The following KLF3 variants were observed in gnomAD, a reference collection of about 807,000 sequenced individuals.
KLF3 encodes Krueppel-like factor 3.
In KLF3, 6 loss-of-function variants were observed where a neutral mutation model predicts 32.7. The ratio of observed to expected loss-of-function variants is 0.18; its 90% CI spans 0.10 to 0.36. KLF3 has a LOEUF of 0.36. Among genes scored for constraint, KLF3 ranks in the 10% least tolerant of loss-of-function variants. KLF3 has a pLI of 1.00. For missense variants in KLF3, 338 were observed against 449.7 expected (o/e 0.75, Z 2.25); for synonymous variants, 145 against 172.8 (o/e 0.84, Z 1.26).
chr4:38,685,798 T>C (rs1337817540), intron 2 of KLF3, among the ~76,000 whole-genome samples: 1 of 152,214 alleles, frequency 6.6e-6, no homozygotes, highest in Non-Finnish European at 1.5e-5. Flanking sequence ...TGGAGAATTA[T>C]ATAAAGCACA....
Position 38,699,240 on chromosome 4 carries a change from TTTTG to T in KLF3, c.*1981_*1984del, listed in dbSNP as rs1723136500. On this transcript the variant is annotated 3_prime_UTR_variant, in exon 6 of 6. Transcript: ENST00000261438. ...CTAATTGGGCTGTTTTTTTGTTTTG[TTTTG>T]TTTTTCAGCTAAAGGCAAAGATAAT... 6.6e-6 allele frequency: 1 copy of T among 152,204 alleles called. No homozygotes were observed. Among genetic ancestry groups the T allele is most frequent in the Non-Finnish European group, 1.5e-5 (1 of 68,028 alleles). 9.4% of individuals were successfully genotyped at this position (152,204 alleles called of 1,614,324 possible). A position where few individuals can be genotyped will look rare whatever the true frequency, so the allele number is the denominator to read the frequency against.
rs777388622 is a variant in KLF3, at chr4:38,697,031, TTAC to T, written c.857-47_857-45del. 21 of 1,461,430 alleles carry T rather than the reference TTAC, an allele frequency of 1.4e-5. No homozygotes were observed. The African/African-American group carries it at 2.6e-4, about 18-fold the overall frequency. 90.5% of individuals were successfully genotyped at this position (1,461,430 alleles called of 1,614,324 possible). A position where few individuals can be genotyped will look rare whatever the true frequency, so the allele number is the denominator to read the frequency against. ...TTGTCAAGCATTAACTCAAAGATCT[TTAC>T]TACCTTTACAGAAAAAAAAAATAGC... is the stretch of plus-strand genomic sequence containing the variant. On this transcript the variant is annotated intron_variant, in intron 5 of 5. Transcript: ENST00000261438.
chr4:38,687,648 G>A (rs1722742244), intron 2 of KLF3, among the ~76,000 whole-genome samples: 1 of 152,142 alleles, frequency 6.6e-6, no homozygotes, highest in South Asian at 2.1e-4. Context: ...GAGAACACAG[G>A]GCCTCAGCTT....
chr4:38,682,904 A>C (rs185654613), intron 2 of KLF3, among the ~76,000 whole-genome samples: 10 of 151,442 alleles, frequency 6.6e-5, no homozygotes, highest in Admixed American at 6.6e-4. Context: ...CTTTAAAATG[A>C]AGGTGTTTTT....
Position 38,674,236 on chromosome 4 carries a change from ATC to A in KLF3, c.-39-6349_-39-6348del, listed in dbSNP as rs1337581113. Among the ~76,000 whole-genome samples the A allele has an allele frequency of 2.0e-5, 3 of 152,162 alleles. No homozygotes were observed. The highest frequency in any genetic ancestry group is 2.0e-4 in the Admixed American group (3 of 15,278). ...CTCCAGCTTAAAAATGCCTGCTGAC[ATC>A]TGTTGCCTGTCCCCTGTATTTCTGG... On this transcript the variant is annotated intron_variant, in intron 1 of 5. Coordinates refer to ENST00000261438, the MANE Select transcript of KLF3 (RefSeq NM_016531.6). This position sits in a 1 kb window ranked among gnomAD's most constrained non-coding sequence, Gnocchi z 4.1.
In KLF3 at chr4:38,674,856, C is replaced by CT. The variant is rs1337360359; in HGVS notation, c.-39-5730dup. 2.0e-5 allele frequency among the ~76,000 whole-genome samples: 3 copies of CT among 152,176 alleles called. No individual in the cohort carries two copies. Among genetic ancestry groups the CT allele is most frequent in the Non-Finnish European group, 4.4e-5 (3 of 68,032 alleles). On this transcript the variant is annotated intron_variant, in intron 1 of 5. Transcript: ENST00000261438. The surrounding 1 kb of genome is among the most constrained non-coding windows in gnomAD (Gnocchi z 4.1). The stretch of plus-strand genomic sequence containing the variant: ...CCCTCAGGAAGGGGCAGGCAGTTGT[C>CT]TGTAAGGTCGTTTCTGTAATAAATC...
rs761224497 is a variant in KLF3, at chr4:38,689,830, T to C, written c.646T>C (p.Ser216Pro). 4 of 1,607,136 alleles carry C rather than the reference T, an allele frequency of 2.5e-6. No individual in the cohort carries two copies. The highest frequency in any genetic ancestry group is 1.3e-5 in the African/African-American group (1 of 74,606). The stretch of plus-strand genomic sequence containing the variant: ...GACAGATTATTATCCTGAAGAAATG[T>C]CACCCCCCTTAATGAACTCAGTGTC... ...QRTDYYPEEM[S>P]PPLMNSVSPP... Residue 216 changes from serine (S) to proline (P), a missense_variant, in exon 4 of 6, where the codon TCA (serine) becomes CCA (proline). Transcript: ENST00000261438.
chr4:38,688,665 C>G lies in KLF3; in HGVS notation c.138C>G (p.Phe46Leu). ...ACTCCACACCATTGCCTGAGAAGTT[C>G]TTTCAGACCCCAGAAGGTCTGTCGC... is the stretch of plus-strand genomic sequence containing the variant. Reference protein sequence around the residue: ...VIYSTPLPEKFFQTPEGLSHG... With the variant: ...VIYSTPLPEKLFQTPEGLSHG... Residue 46 changes from phenylalanine (F) to leucine (L), a missense_variant, in exon 3 of 6, where the codon TTC becomes TTG. Around this residue, in one of 2 missense-constraint regions of KLF3, gnomAD observed 272 missense variants for 313.4 expected, o/e 0.87. Coordinates refer to ENST00000261438, the MANE Select transcript of KLF3 (RefSeq NM_016531.6). The surrounding 1 kb of genome is among the most constrained non-coding windows in gnomAD (Gnocchi z 4.9). 1 of 1,614,200 alleles carries G rather than the reference C, an allele frequency of 6.2e-7. No individual in the cohort carries two copies. The highest frequency in any genetic ancestry group is 8.5e-7 in the Non-Finnish European group (1 of 1,180,034).
At chr4:38,693,350 T>A (rs3796537) in intron 4 of KLF3, among the ~76,000 whole-genome samples, 76,522 of 147,422 alleles carry the variant, frequency 0.52, 20,313 homozygotes, top group African/African-American at 0.64. Context: ...ATGTTTTTTT[T>A]AAAAAAAAAA....
chr4:38,669,893 CAAAAAAAAA>C (rs60339860), intron 1 of KLF3, among the ~76,000 whole-genome samples: 74 of 41,174 alleles, frequency 1.8e-3, no homozygotes, highest in Middle Eastern at 0.091. Flanking sequence ...GACTCTGTCT[CAAAAAAAAA>C]AAAAAAAAAA....
chr4:38,692,542 T>C (rs548136225), intron 4 of KLF3, among the ~76,000 whole-genome samples: 4 of 152,214 alleles, frequency 2.6e-5, no homozygotes, highest in East Asian at 1.9e-4. Flanking sequence ...TTCCGAGATA[T>C]AACCTTCTGA....
Position 38,696,186 on chromosome 4 carries a change from GAAAAAAA to G in KLF3, c.857-880_857-874del, listed in dbSNP as rs57996051. Among the ~76,000 whole-genome samples, 10 of 99,258 alleles carry G rather than the reference GAAAAAAA, an allele frequency of 1.0e-4. No homozygotes were observed. In the East Asian group the frequency reaches 1.9e-3, roughly 19 times the overall value. 65.1% of individuals were successfully genotyped at this position (99,258 alleles called of 152,430 possible). A position where few individuals can be genotyped will look rare whatever the true frequency, so the allele number is the denominator to read the frequency against. Reference sequence around the variant, plus strand: ...TATTTGGGTGACAGTTTAGATGTAGGAAAAAAAAAAAAAAAAAAAAAACGCCTCTTTG... The same window carrying G: ...TATTTGGGTGACAGTTTAGATGTAGGAAAAAAAAAAAAAAACGCCTCTTTG... On this transcript the variant is annotated intron_variant, in intron 5 of 5. Transcript: ENST00000261438.
intron 1 of KLF3, among the ~76,000 whole-genome samples, chr4:38,666,245 T>C (rs1170766171): frequency 1.3e-5 from 2 of 152,248 alleles, no homozygotes; most frequent in Non-Finnish European, 2.9e-5. Context: ...AGTAACTGCT[T>C]AGACCACAAA....
chr4:38,682,717 G>A (rs759120161), intron 2 of KLF3, among the ~76,000 whole-genome samples: 14 of 152,008 alleles, frequency 9.2e-5, no homozygotes, highest in Non-Finnish European at 1.6e-4. Context: ...AAAAAAATGT[G>A]GAATAAAATG....
Position 38,697,204 on chromosome 4 carries a change from C to G in KLF3, c.979C>G (p.Arg327Gly). The change falls in exon 6 of 6, where the codon CGC becomes GGC. Residue 327 changes from arginine to glycine, a missense_variant. Arg to Gly is a moderately radical substitution (Grantham distance 125). Transcript: ENST00000261438. ...ACCTTTCCAGTGCCCGGACTGTGAC[C>G]GCAGCTTCTCCCGTTCTGACCATCT... is the stretch of plus-strand genomic sequence containing the variant. The part of the protein sequence containing the change: ...IKPFQCPDCD[R>G]SFSRSDHLAL... 6.2e-7 allele frequency: 1 copy of G among 1,614,056 alleles called. No homozygotes were observed. The highest frequency in any genetic ancestry group is 8.5e-7 in the Non-Finnish European group (1 of 1,179,976).
intron 5 of KLF3, among the ~76,000 whole-genome samples, chr4:38,696,096 G>A (rs4599423): frequency 1.1e-4 from 17 of 149,784 alleles, no homozygotes; most frequent in African/African-American, 4.2e-4. Flanking sequence ...GCATCCTTGA[G>A]GCATTAGTGG....
chr4:38,679,384 A>G (rs1204128409), intron 1 of KLF3, among the ~76,000 whole-genome samples: 2 of 152,248 alleles, frequency 1.3e-5, no homozygotes, highest in Non-Finnish European at 2.9e-5. Context: ...TTTATCTTTT[A>G]TAACACAAGT....
chr4:38,697,066 C>G lies in KLF3; in HGVS notation c.857-16C>G. ...TACAGAAAAAAAAAATAGCTCTTTT[C>G]TTTTTCCTTTTGCAGGAGAAAAACC... On this transcript the variant is annotated splice_polypyrimidine_tract_variant and intron_variant, in intron 5 of 5. Transcript: ENST00000261438. The G allele has an allele frequency of 1.3e-6, 2 of 1,555,474 alleles. No individual in the cohort carries two copies. Among genetic ancestry groups the G allele is most frequent in the East Asian group, 4.5e-5 (2 of 44,040 alleles).
chr4:38,690,223 A>G, intron 4 of KLF3: 1 of 224,188 alleles, frequency 4.5e-6, no homozygotes, highest in Admixed American at 5.4e-5. Flanking sequence ...TATAGATTAA[A>G]CTTGGTGTTC....
Sources: allele counts gnomAD v4.1 joint callset (sites outside exome capture counted in the v4.1 genomes callset), GRCh38; gene constraint gnomAD v4.1.1; regional missense constraint gnomAD v4.1.1; non-coding constraint Gnocchi (gnomAD v3.1); transcripts MANE v1.5; gene names NCBI Gene and HGNC (gene_info 2026-07-23, HGNC 2026-07-21).